The following GRIK4 variants were observed in gnomAD, a reference collection of about 807,000 sequenced individuals.
GRIK4 encodes glutamate receptor ionotropic, kainate 4.
GRIK4 carries 40 observed loss-of-function variants against 104.9 expected under a neutral mutation model. That is an observed-to-expected ratio of 0.38 (90% CI 0.30 to 0.50). The LOEUF is 0.50. GRIK4 is among the 20% of genes least tolerant of loss of function. The pLI, the probability that GRIK4 is intolerant of heterozygous loss-of-function variation, is 0.93. For synonymous variants in GRIK4, 485 were observed against 524.9 expected, an observed-to-expected ratio of 0.92 and a Z score of 1.04; for missense variants, 1,047 against 1,308.1, an observed-to-expected ratio of 0.80 and a Z score of 3.08.
Position 120,956,942 on chromosome 11 carries a change from C to T in GRIK4, c.1863C>T (p.Val621=), listed in dbSNP as rs772829772. The part of the protein sequence containing the change: ...IAPRALSTRC[V]SGVWWAFTLI... ...CTCGCGCCTTATCCACCCGCTGTGT[C>T]AGTGGCGTCTGGTAAGGCCCCAGGC... Residue 621 remains valine (V), a synonymous_variant, in exon 16 of 21, where the codon GTC becomes GTT. Coordinates refer to ENST00000527524, the MANE Select transcript of GRIK4 (RefSeq NM_014619.5). The surrounding 1 kb of genome is among the most constrained non-coding windows in gnomAD (Gnocchi z 4.6). 1.2e-6 allele frequency: 2 copies of T among 1,608,610 alleles called. No homozygotes were observed. Among genetic ancestry groups the T allele is most frequent in the Non-Finnish European group, 8.5e-7 (1 of 1,177,336 alleles).
At position 120,889,586 on chromosome 11, in the gene GRIK4, TAC is replaced by T. The variant is rs1955216939; in HGVS notation, c.1165-8944_1165-8943del. 1.5e-4 allele frequency among the ~76,000 whole-genome samples: 20 copies of T among 131,026 alleles called. 3 individuals carry two copies. Among genetic ancestry groups the T allele is most frequent in the East Asian group, 9.7e-4 (4 of 4,140 alleles). The allele number at this position is 131,026 out of a possible 152,430, so 86.0% of individuals were successfully genotyped here. ...GAAATAGAATAAAATAGAAAGAGCTTACATTTTTTTTTTTTTTTTTTTTTTTT... is the reference window on the plus strand; with the variant it reads ...GAAATAGAATAAAATAGAAAGAGCTTATTTTTTTTTTTTTTTTTTTTTTTT... On this transcript the variant is annotated intron_variant, in intron 11 of 20. Coordinates refer to ENST00000527524, the MANE Select transcript of GRIK4 (RefSeq NM_014619.5).
chr11:120,692,867 G>T (rs1950389053), intron 3 of GRIK4, among the ~76,000 whole-genome samples: 1 of 152,004 alleles, frequency 6.6e-6, no homozygotes, highest in Non-Finnish European at 1.5e-5. Flanking sequence ...GAGTAGCTGG[G>T]ATTACAGGCT....
At chr11:120,738,378 C>A (rs753721571) in intron 3 of GRIK4, among the ~76,000 whole-genome samples, 11 of 152,154 alleles carry the variant, frequency 7.2e-5, no homozygotes, top group Non-Finnish European at 1.5e-4. Context: ...TTCAAGGGAA[C>A]CTTGAGTGAT....
intron 3 of GRIK4, among the ~76,000 whole-genome samples, chr11:120,703,948 A>T (rs138763693): frequency 6.6e-6 from 1 of 152,286 alleles, no homozygotes; most frequent in East Asian, 1.9e-4. Flanking sequence ...ACCTCAACAG[A>T]TGTCTGTTTA....
chr11:120,960,052 C>T (rs774105538), intron 16 of GRIK4, among the ~76,000 whole-genome samples: 2 of 151,998 alleles, frequency 1.3e-5, no homozygotes, highest in Non-Finnish European at 2.9e-5. Flanking sequence ...ATTTATCGGC[C>T]AGGTGTGGTG....
chr11:120,683,468 TATAGA>T (rs1565293122), intron 3 of GRIK4, among the ~76,000 whole-genome samples: 1 of 152,058 alleles, frequency 6.6e-6, no homozygotes, highest in Non-Finnish European at 1.5e-5. Flanking sequence ...AACATCCAAG[TATAGA>T]TGTCAGGGAG....
intron 4 of GRIK4, among the ~76,000 whole-genome samples, chr11:120,808,039 G>C (rs1461060091): frequency 6.6e-6 from 1 of 152,210 alleles, no homozygotes; most frequent in East Asian, 1.9e-4. Flanking sequence ...TTGATGAAGA[G>C]AGAGAAGAAG....
At position 120,875,229 on chromosome 11, in the gene GRIK4, A is replaced by C; in HGVS notation, c.1150A>C (p.Asn384His). The C allele has an allele frequency of 6.2e-7, 1 of 1,611,142 alleles. No homozygotes were observed. Among genetic ancestry groups the C allele is most frequent in the Non-Finnish European group, 8.5e-7 (1 of 1,177,310 alleles). ...YALKILQFTR[N>H]GFRQIGQWHV... ...TTTGAAAATCTTACAGTTCACAAGG[A>C]ATGGTTTTCGGCAGGTAAGCCTAGC... The change falls in exon 11 of 21, where the codon AAT (asparagine) becomes CAT (histidine). Residue 384 changes from asparagine (N) to histidine (H), a missense_variant. By Grantham distance (68) the Asn-to-His change is moderately conservative. Coordinates refer to ENST00000527524, the MANE Select transcript of GRIK4 (RefSeq NM_014619.5).
intron 3 of GRIK4, among the ~76,000 whole-genome samples, chr11:120,786,174 G>A (rs1435433765): frequency 6.6e-6 from 1 of 152,110 alleles, no homozygotes; most frequent in Non-Finnish European, 1.5e-5. Flanking sequence ...CCATGGCCTT[G>A]GGGATCCTCA....
intron 1 of GRIK4, among the ~76,000 whole-genome samples, chr11:120,628,406 A>G (rs924624190): frequency 6.6e-6 from 1 of 152,094 alleles, no homozygotes; most frequent in Non-Finnish European, 1.5e-5. Context: ...CTTAGCGGAA[A>G]CAAGGATGTG....
At chr11:120,545,188 G>T (rs1263959398) in intron 1 of GRIK4, among the ~76,000 whole-genome samples, 2 of 151,992 alleles carry the variant, frequency 1.3e-5, no homozygotes, top group Non-Finnish European at 2.9e-5. Context: ...GCCCTTTTGT[G>T]CATCTCTTAC....
chr11:120,517,395 C>G lies in GRIK4; in HGVS notation c.-159+5508C>G, dbSNP rs1947742532. On this transcript the variant is annotated intron_variant, in intron 1 of 20. Transcript: ENST00000527524. ...TGCGATCCTCTCCTGTCCTCAGTGT[C>G]CAGCCTCTTGGTGCCCGCTTGTGTT... Among the ~76,000 whole-genome samples the G allele has an allele frequency of 1.3e-5, 2 of 148,808 alleles. 1 individual carries two copies. The highest frequency in any genetic ancestry group is 1.3e-4 in the Admixed American group (2 of 15,058).
chr11:120,686,751 T>C (rs1950282780), intron 3 of GRIK4, among the ~76,000 whole-genome samples: 1 of 152,250 alleles, frequency 6.6e-6, no homozygotes, highest in Admixed American at 6.5e-5. Context: ...TTTATCGGCA[T>C]ACATTAATAT....
intron 3 of GRIK4, among the ~76,000 whole-genome samples, chr11:120,763,174 AG>A (rs1416914927): frequency 2.0e-5 from 3 of 151,960 alleles, no homozygotes; most frequent in East Asian, 1.9e-4. Flanking sequence ...TAGTCTTGGG[AG>A]GGTTTATGTG....
chr11:120,871,575 G>C (rs1454789929), intron 9 of GRIK4: 1 of 456,338 alleles, frequency 2.2e-6, no homozygotes, highest in Admixed American at 2.3e-5. Context: ...TTGTTGCTTA[G>C]TCTTCGGGTT....
At chr11:120,620,964 T>C (rs1949179926) in intron 1 of GRIK4, among the ~76,000 whole-genome samples, 1 of 152,196 alleles carries the variant, frequency 6.6e-6, no homozygotes, top group Non-Finnish European at 1.5e-5. Context: ...CCCACGATCA[T>C]GCAGCAACAA....
intron 2 of GRIK4, among the ~76,000 whole-genome samples, chr11:120,659,653 G>C (rs1158978532): frequency 6.6e-6 from 1 of 152,114 alleles, no homozygotes; most frequent in Non-Finnish European, 1.5e-5. Flanking sequence ...CTGCGTTTGG[G>C]GAAATGGAGT....
chr11:120,650,944 G>T (rs1181895600), intron 1 of GRIK4, among the ~76,000 whole-genome samples: 1 of 152,154 alleles, frequency 6.6e-6, no homozygotes, highest in Non-Finnish European at 1.5e-5. Context: ...TTACAGCAGA[G>T]GAAATGGAAG....
chr11:120,937,573 C>T (rs1943625314), intron 13 of GRIK4, among the ~76,000 whole-genome samples: 1 of 152,202 alleles, frequency 6.6e-6, no homozygotes, highest in Non-Finnish European at 1.5e-5. Context: ...CCAGCGTCCT[C>T]TTGACCGGGG....
Sources: allele counts gnomAD v4.1 joint callset (sites outside exome capture counted in the v4.1 genomes callset), GRCh38; gene constraint gnomAD v4.1.1; non-coding constraint Gnocchi (gnomAD v3.1); transcripts MANE v1.5; gene names NCBI Gene and HGNC (gene_info 2026-07-23, HGNC 2026-07-21).